Variants in ABCC9 observed in about 807,000 individuals in gnomAD.
ABCC9 encodes the protein ATP binding cassette subfamily C member 9, also known as ATP-binding cassette sub-family C member 9.
In ABCC9, 95 loss-of-function variants were observed where a neutral mutation model predicts 188.3. That is an observed-to-expected ratio of 0.50 (90% CI 0.43 to 0.60). The LOEUF (loss-of-function observed/expected upper bound fraction) is 0.60, where lower values mean the gene tolerates loss of function less well. Among genes scored for constraint, ABCC9 ranks in the 20% least tolerant of loss-of-function variants. ABCC9 has a pLI of 0.00. For missense variants in ABCC9, 1,102 were observed against 1,876.3 expected (o/e 0.59, Z 7.62); for synonymous variants, 659 against 652.7 (o/e 1.01, Z -0.15).
chr12:21,870,734 A>G (rs1946028600), intron 18 of ABCC9, among the ~76,000 whole-genome samples: 1 of 152,154 alleles, frequency 6.6e-6, no homozygotes, highest in Non-Finnish European at 1.5e-5. Flanking sequence ...ACAACTTCAG[A>G]TGATTATTTA....
chr12:21,834,469 TC>T (rs1398813488), intron 30 of ABCC9, among the ~76,000 whole-genome samples: 1 of 152,108 alleles, frequency 6.6e-6, no homozygotes. Flanking sequence ...TCCAGACCTG[TC>T]CTTGACCTGG....
At position 21,906,308 on chromosome 12, in the gene ABCC9, A is replaced by G; in HGVS notation, c.1456-20T>C. 2 of 1,593,780 alleles carry G rather than the reference A, an allele frequency of 1.3e-6. No individual in the cohort carries two copies. The highest frequency in any genetic ancestry group is 1.7e-6 in the Non-Finnish European group (2 of 1,168,022). On this transcript the variant is annotated intron_variant, in intron 11 of 39. Coordinates refer to ENST00000261200, the MANE Select transcript of ABCC9 (RefSeq NM_020297.4). ...ATAATCCTATAAAACAAAGGAAGAA[A>G]AATAATACCAGCTGCATCCAAGTGA... is the stretch of plus-strand genomic sequence containing the variant.
chr12:21,833,853 A>G (rs1220457242), intron 30 of ABCC9, among the ~76,000 whole-genome samples: 1 of 152,128 alleles, frequency 6.6e-6, no homozygotes, highest in Non-Finnish European at 1.5e-5. Context: ...CATCCCGCCT[A>G]TATCTCCACT....
At chr12:21,823,347 G>A (rs1230700690) in intron 31 of ABCC9, among the ~76,000 whole-genome samples, 1 of 152,158 alleles carries the variant, frequency 6.6e-6, no homozygotes, top group Non-Finnish European at 1.5e-5. Context: ...CTTGTAAATA[G>A]TTAATAGCAA....
At chr12:21,886,180 T>A (rs1946866466) in intron 15 of ABCC9, among the ~76,000 whole-genome samples, 1 of 152,110 alleles carries the variant, frequency 6.6e-6, no homozygotes, top group African/African-American at 2.4e-5. Context: ...GCTCTTAAAT[T>A]TATATCTCCA....
intron 37 of ABCC9, 83 bp from the exon 38 acceptor site, chr12:21,807,562 T>G: frequency 6.3e-7 from 1 of 1,581,040 alleles, no homozygotes. Context: ...AAACACATTA[T>G]GTTGTATGAC....
In ABCC9 at chr12:21,812,519, A is replaced by G. The variant is rs112226686; in HGVS notation, c.4103-362T>C. On this transcript the variant is annotated intron_variant, in intron 35 of 39. Transcript: ENST00000261200. ...ATACACCATGGAATACTATGCAGCC[A>G]TCGAAAAGGATGAGCTAATGTCCTT... Among the ~76,000 whole-genome samples the G allele has an allele frequency of 7.2e-5, 11 of 152,338 alleles. 1 individual carries two copies. Among genetic ancestry groups the G allele is most frequent in the African/African-American group, 2.2e-4 (9 of 41,578 alleles).
intron 30 of ABCC9, among the ~76,000 whole-genome samples, chr12:21,832,096 T>C (rs565589042): frequency 4.2e-4 from 64 of 152,214 alleles, no homozygotes; most frequent in Non-Finnish European, 7.3e-4. Flanking sequence ...ATGGAAACTT[T>C]GACACACTCA....
chr12:21,848,876 C>T (rs946183223), intron 24 of ABCC9, among the ~76,000 whole-genome samples: 4 of 151,422 alleles, frequency 2.6e-5, no homozygotes, highest in Admixed American at 6.6e-5. Flanking sequence ...AGAAGGGAAA[C>T]GTGCCAAAAA....
chr12:21,850,511 T>TC, intron 24 of ABCC9, among the ~76,000 whole-genome samples: 1 of 152,224 alleles, frequency 6.6e-6, no homozygotes, highest in Non-Finnish European at 1.5e-5. Flanking sequence ...CCTAACTTGC[T>TC]CCACACCTCC....
intron 14 of ABCC9, 81 bp downstream of exon 14, chr12:21,893,951 T>G: frequency 7.0e-7 from 1 of 1,432,098 alleles, no homozygotes; most frequent in Non-Finnish European, 9.7e-7. Flanking sequence ...TGTTCTTTTT[T>G]ATATTTTTTC....
chr12:21,806,135 T>G, intron 38 of ABCC9, 75 bp from the exon 39 acceptor site: 1 of 1,298,134 alleles, frequency 7.7e-7, no homozygotes, highest in Non-Finnish European at 1.1e-6. Context: ...GAACAATCAA[T>G]ATTCCACTGA....
chr12:21,817,411 A>G (rs774685334), intron 32 of ABCC9, 104 bp from the exon 33 acceptor site: 7 of 1,069,142 alleles, frequency 6.5e-6, no homozygotes, highest in Admixed American at 5.8e-5. Flanking sequence ...ATTAGTGTAC[A>G]TGTGTGATAC....
In ABCC9 at chr12:21,800,817, T is replaced by C. The variant is rs1381816968; in HGVS notation, c.*227A>G. 2.0e-5 allele frequency: 11 copies of C among 540,524 alleles called. No homozygotes were observed. Among genetic ancestry groups the C allele is most frequent in the Non-Finnish European group, 6.6e-6 (2 of 303,910 alleles). 33.5% of individuals were successfully genotyped at this position (540,524 alleles called of 1,614,324 possible). Reference sequence around the variant, plus strand: ...TACATGTTTTAATACAACCTAGCTATTCTTAAAGCTAGAGTGGCTGGATCA... The same window carrying C: ...TACATGTTTTAATACAACCTAGCTACTCTTAAAGCTAGAGTGGCTGGATCA... On this transcript the variant is annotated 3_prime_UTR_variant, in exon 40 of 40. Transcript: ENST00000261200.
chr12:21,868,955 C>G (rs1945923962), intron 18 of ABCC9, among the ~76,000 whole-genome samples: 1 of 151,990 alleles, frequency 6.6e-6, no homozygotes, highest in Admixed American at 6.6e-5. Flanking sequence ...ATGTCAGTAT[C>G]CTCTGAATCT....
Position 21,799,442 on chromosome 12 carries a change from A to G in ABCC9, c.*1602T>C, listed in dbSNP as rs1221568469. 1 of 152,106 alleles carries G rather than the reference A, an allele frequency of 6.6e-6. No individual in the cohort carries two copies. Among genetic ancestry groups the G allele is most frequent in the Non-Finnish European group, 1.5e-5 (1 of 68,004 alleles). The allele number at this position is 152,106 out of a possible 1,614,324, so 9.4% of individuals were successfully genotyped here. A position where few individuals can be genotyped will look rare whatever the true frequency, so the allele number is the denominator to read the frequency against. On this transcript the variant is annotated 3_prime_UTR_variant, in exon 40 of 40. Coordinates refer to ENST00000261200, the MANE Select transcript of ABCC9 (RefSeq NM_020297.4). ...TGCAAGACATAATTAATGAGTACCA[A>G]TCCTATTCTGTTTAGCTTTAAGAAA...
intron 16 of ABCC9, among the ~76,000 whole-genome samples, chr12:21,882,068 C>G (rs979836009): frequency 6.6e-6 from 1 of 152,102 alleles, no homozygotes; most frequent in Non-Finnish European, 1.5e-5. Context: ...CTACTATAAA[C>G]CCCATACTGA....
chr12:21,844,535 G>T lies in ABCC9; in HGVS notation c.3263C>A (p.Pro1088His). 6.2e-7 allele frequency: 1 copy of T among 1,613,576 alleles called. No homozygotes were observed. The highest frequency in any genetic ancestry group is 8.5e-7 in the Non-Finnish European group (1 of 1,179,648). The change falls in exon 28 of 40, where the codon CCC (proline) becomes CAC (histidine). Residue 1088 changes from proline to histidine, a missense_variant. Physicochemically the swap from Pro to His is moderately conservative, Grantham distance 77. Coordinates refer to ENST00000261200, the MANE Select transcript of ABCC9 (RefSeq NM_020297.4). ...LGPIRFFDTT[P>H]LGLILNRFSA... The stretch of plus-strand genomic sequence containing the variant: ...AAAGCGATTGAGAATCAGTCCCAGG[G>T]GTGTGGTATCAAAAAACCTAGGCAA...
chr12:21,806,093 G>C (rs976411943), intron 38 of ABCC9, 33 bp from the exon 39 acceptor site: 1 of 1,585,120 alleles, frequency 6.3e-7, no homozygotes, highest in African/African-American at 1.3e-5. Context: ...ATTTTCTCGG[G>C]ATTACTTTGT....
Sources: allele counts gnomAD v4.1 joint callset (sites outside exome capture counted in the v4.1 genomes callset), GRCh38; gene constraint gnomAD v4.1.1; transcripts MANE v1.5; gene names NCBI Gene and HGNC (gene_info 2026-07-23, HGNC 2026-07-21).